The following ARPP21 variants were observed in gnomAD, a reference collection of about 807,000 sequenced individuals.
The protein encoded by ARPP21 is cAMP regulated phosphoprotein 21.
ARPP21 carries 69 observed loss-of-function variants against 113.2 expected under a neutral mutation model. That is an observed-to-expected ratio of 0.61 (90% CI 0.50 to 0.74). The LOEUF (loss-of-function observed/expected upper bound fraction) is 0.74. Ranked by LOEUF, ARPP21 falls within the 30% of genes least tolerant of loss-of-function variation. The pLI is 0.00. For missense variants in ARPP21, 1,070 were observed against 1,037.4 expected, an observed-to-expected ratio of 1.03 and a Z score of -0.43; for synonymous variants, 368 against 375.5, an observed-to-expected ratio of 0.98 and a Z score of 0.23.
chr3:35,719,370 G>A (rs1304106650), intron 13 of ARPP21, among the ~76,000 whole-genome samples: 2 of 152,152 alleles, frequency 1.3e-5, no homozygotes, highest in East Asian at 3.8e-4. Flanking sequence ...TTTTTTAAAT[G>A]TACAGATTAT....
At chr3:35,790,405 G>A (rs1263304019) in intron 19 of ARPP21, among the ~76,000 whole-genome samples, 1 of 152,160 alleles carries the variant, frequency 6.6e-6, no homozygotes, top group African/African-American at 2.4e-5. Context: ...TTGGAACAAT[G>A]TCATAATAAA....
At chr3:35,778,044 C>T (rs1333261594) in intron 19 of ARPP21, among the ~76,000 whole-genome samples, 1 of 152,112 alleles carries the variant, frequency 6.6e-6, no homozygotes, top group East Asian at 1.9e-4. Flanking sequence ...CATCATCTGA[C>T]ATATTACCAG....
chr3:35,746,610 C>A (rs2095070763), intron 19 of ARPP21, among the ~76,000 whole-genome samples: 1 of 152,168 alleles, frequency 6.6e-6, no homozygotes, highest in African/African-American at 2.4e-5. Context: ...GGATCTGACC[C>A]TTTTCCATCT....
In ARPP21 at chr3:35,667,950, A is replaced by AGAAGAAGAAGAG. The variant is rs1211263737; in HGVS notation, c.-212-11826_-212-11825insGGAAGAAGAAGA. Among the ~76,000 whole-genome samples the AGAAGAAGAAGAG allele has an allele frequency of 3.4e-3, 48 of 13,952 alleles. 1 individual carries two copies. The highest frequency in any genetic ancestry group is 9.9e-3 in the African/African-American group (43 of 4,356). The allele number at this position is 13,952 out of a possible 152,430, so 9.2% of individuals were successfully genotyped here. A position where few individuals can be genotyped will look rare whatever the true frequency, so the allele number is the denominator to read the frequency against. On this transcript the variant is annotated intron_variant, in intron 1 of 20. Transcript: ENST00000684406. Reference sequence around the variant, plus strand: ...GGAGGAGGAGAAGGAGAAGAAGAAAAGAAGAAGAAGAAGAAGAAGAAGAAG... The same window carrying AGAAGAAGAAGAG: ...GGAGGAGGAGAAGGAGAAGAAGAAAAGAAGAAGAAGAGGAAGAAGAAGAAGAAGAAGAAGAAG...
intron 19 of ARPP21, among the ~76,000 whole-genome samples, chr3:35,773,270 T>C: frequency 6.6e-6 from 1 of 152,136 alleles, no homozygotes; most frequent in East Asian, 1.9e-4. Flanking sequence ...TGCTTAAGGG[T>C]ATTACATGGC....
Position 35,690,131 on chromosome 3 carries a change from C to T in ARPP21, c.536C>T (p.Ala179Val). 6.9e-7 allele frequency: 1 copy of T among 1,456,836 alleles called. No homozygotes were observed. The highest frequency in any genetic ancestry group is 9.6e-7 in the Non-Finnish European group (1 of 1,038,580). The allele number at this position is 1,456,836 out of a possible 1,614,324, so 90.2% of individuals were successfully genotyped here. A position where few individuals can be genotyped will look rare whatever the true frequency, so the allele number is the denominator to read the frequency against. Reference protein sequence around the residue: ...KMEQEIIDFIADNNNHYKKFP... With the variant: ...KMEQEIIDFIVDNNNHYKKFP... The stretch of plus-strand genomic sequence containing the variant: ...GAGCAGGAAATTATTGATTTCATTG[C>T]TGACAACAAGTATGTTAAACTTCAA... Residue 179 changes from alanine to valine, a missense_variant, in exon 8 of 21, where the codon GCT becomes GTT. By Grantham distance (64) the Ala-to-Val change is moderately conservative (BLOSUM62 0). Transcript: ENST00000684406.
chr3:35,757,033 A>T (rs1017515150), intron 19 of ARPP21, among the ~76,000 whole-genome samples: 7 of 151,418 alleles, frequency 4.6e-5, no homozygotes, highest in African/African-American at 1.7e-4. Flanking sequence ...TGGTATTATG[A>T]TACAGAGTTC....
intron 19 of ARPP21, among the ~76,000 whole-genome samples, chr3:35,784,605 T>C (rs375404881): frequency 5.3e-5 from 8 of 152,168 alleles, no homozygotes; most frequent in African/African-American, 1.9e-4. Flanking sequence ...CACCTTGCCT[T>C]AGTTCCTGTC....
chr3:35,683,001 G>T (rs1409665686), intron 4 of ARPP21, 112 bp downstream of exon 4: 10 of 1,045,104 alleles, frequency 9.6e-6, no homozygotes, highest in Non-Finnish European at 1.4e-5. Context: ...CAGATATTGT[G>T]GGGCATCTCG....
intron 5 of ARPP21, chr3:35,684,888 G>A (rs534691631): frequency 5.1e-5 from 50 of 984,746 alleles, no homozygotes; most frequent in South Asian, 1.9e-4. Context: ...ACTATGTTTC[G>A]TACACATGCT....
At chr3:35,723,330 GT>G (rs2093274928) in intron 14 of ARPP21, among the ~76,000 whole-genome samples, 5 of 152,146 alleles carry the variant, frequency 3.3e-5, no homozygotes, top group African/African-American at 7.2e-5. Flanking sequence ...ATTATCTCAT[GT>G]TTTCCTATAT....
At chr3:35,687,618 T>C (rs1012071269) in intron 5 of ARPP21, 121 bp from the exon 6 acceptor site, 3 of 858,250 alleles carry the variant, frequency 3.5e-6, no homozygotes, top group East Asian at 5.8e-5. Context: ...TTTTACCATT[T>C]AGAAAAAAAA....
rs774932600 is a variant in ARPP21 at position 35,681,735 on chromosome 3, A to T, written c.-17A>T. 51 of 1,604,232 alleles carry T rather than the reference A, an allele frequency of 3.2e-5. No individual in the cohort carries two copies. The highest frequency in any genetic ancestry group is 4.1e-5 in the Non-Finnish European group (48 of 1,173,448). ...CTAGGGCATAAAATCTTGTTATTTT[A>T]ATTTGCATCTGGGAGAATGTCTGAG... On this transcript the variant is annotated 5_prime_UTR_variant, in exon 3 of 21. An upstream open reading frame in the 5' UTR loses its in-frame stop. Transcript: ENST00000684406.
At chr3:35,749,185 C>A (rs1454392941) in intron 19 of ARPP21, among the ~76,000 whole-genome samples, 1 of 152,028 alleles carries the variant, frequency 6.6e-6, no homozygotes, top group East Asian at 1.9e-4. Flanking sequence ...AATATAAGAG[C>A]CTTGGTCTTC....
intron 10 of ARPP21, among the ~76,000 whole-genome samples, chr3:35,708,577 T>C (rs893719798): frequency 1.3e-5 from 2 of 152,204 alleles, no homozygotes; most frequent in Non-Finnish European, 2.9e-5. Context: ...ACTAGCCACT[T>C]CCTCTTTTTT....
chr3:35,701,565 C>T (rs562879455), intron 9 of ARPP21, among the ~76,000 whole-genome samples: 22 of 151,702 alleles, frequency 1.5e-4, no homozygotes, highest in African/African-American at 4.1e-4. Context: ...TTTAAAACTT[C>T]GTATTTTCCC....
rs191555355 is a variant in ARPP21, at chr3:35,703,153, T to C, written c.687-3821T>C. On this transcript the variant is annotated intron_variant, in intron 9 of 20. Transcript: ENST00000684406. ...TAAGGGAAGGATTAAGGTTAACTATTTGGAAGAAAAGTAATAAATCTGGTC... is the reference window on the plus strand; with the variant it reads ...TAAGGGAAGGATTAAGGTTAACTATCTGGAAGAAAAGTAATAAATCTGGTC... Among the ~76,000 whole-genome samples, 953 of 151,978 alleles carry C rather than the reference T, an allele frequency of 6.3e-3. 15 individuals carry two copies. The highest frequency in any genetic ancestry group is 0.022 in the African/African-American group (897 of 41,496).
At chr3:35,677,416 T>C (rs2077798547) in intron 1 of ARPP21, among the ~76,000 whole-genome samples, 1 of 151,866 alleles carries the variant, frequency 6.6e-6, no homozygotes, top group Non-Finnish European at 1.5e-5. Context: ...ACAACCTGAA[T>C]TGTTACTGTG....
At chr3:35,715,699 A>T in intron 12 of ARPP21, 1 of 354,398 alleles carries the variant, frequency 2.8e-6, no homozygotes, top group South Asian at 5.5e-5. Context: ...GAATTGTAAA[A>T]CTTTTTCTTA....
Sources: gnomAD v4.1 joint callset for allele counts (sites outside exome capture counted in the v4.1 genomes callset) on GRCh38, gnomAD v4.1.1 for gene constraint, MANE v1.5 for transcripts, NCBI Gene and HGNC (gene_info 2026-07-23, HGNC 2026-07-21) for gene names.